The following B3GALT1 variants were observed in gnomAD, a reference collection of about 807,000 sequenced individuals.
The protein encoded by B3GALT1 is UDP-Gal:betaGlcNAc beta 1,3-galactosyltransferase, polypeptide 1.
B3GALT1 carries 10 observed loss-of-function variants against 23.2 expected under a neutral mutation model. The observed-to-expected ratio is 0.43, with a 90% CI of 0.27 to 0.73. The LOEUF (loss-of-function observed/expected upper bound fraction) is 0.73, where lower values mean the gene tolerates loss of function less well. Ranked by LOEUF, B3GALT1 falls within the 30% of genes least tolerant of loss-of-function variation. B3GALT1 has a pLI of 0.21. For synonymous variants in B3GALT1, 156 were observed against 141.5 expected, an observed-to-expected ratio of 1.10 and a Z score of -0.73; for missense variants, 299 against 405.4, an observed-to-expected ratio of 0.74 and a Z score of 2.25.
intron 1 of B3GALT1, among the ~76,000 whole-genome samples, chr2:167,383,025 ATG>A (rs781480239): frequency 3.9e-5 from 6 of 152,200 alleles, no homozygotes; most frequent in Non-Finnish European, 7.3e-5. Context: ...CTTAATAAAA[ATG>A]TACTGTACTT....
chr2:167,647,482 T>A (rs16853993), intron 3 of B3GALT1, among the ~76,000 whole-genome samples: 1 of 152,188 alleles, frequency 6.6e-6, no homozygotes, highest in Non-Finnish European at 1.5e-5. Context: ...AATCCTTCCA[T>A]GAAATAATGA....
intron 1 of B3GALT1, among the ~76,000 whole-genome samples, chr2:167,462,001 C>T (rs78439295): frequency 0.01 from 1,537 of 152,168 alleles, 28 homozygotes; most frequent in African/African-American, 0.035. Context: ...AGTAAATAAC[C>T]TCCCTCACAC....
At chr2:167,568,666 C>T (rs1416086152) in intron 2 of B3GALT1, among the ~76,000 whole-genome samples, 1 of 151,972 alleles carries the variant, frequency 6.6e-6, no homozygotes, top group Non-Finnish European at 1.5e-5. Context: ...TATTTTCTCC[C>T]AGTCTGTGAC....
intron 3 of B3GALT1, among the ~76,000 whole-genome samples, chr2:167,706,129 G>A (rs1686963728): frequency 1.3e-5 from 2 of 152,168 alleles, no homozygotes; most frequent in Non-Finnish European, 2.9e-5. Flanking sequence ...TAACTGATAT[G>A]AAAGAGCACA....
chr2:167,374,645 T>C (rs964854571), intron 1 of B3GALT1, among the ~76,000 whole-genome samples: 7 of 152,314 alleles, frequency 4.6e-5, no homozygotes, highest in Non-Finnish European at 1.0e-4. Context: ...GTTGGCTGCT[T>C]GTGTGTCTTC....
rs572580797 is a variant in B3GALT1 at position 167,657,400 on chromosome 2, G to A, written c.-352+10434G>A. ...CCATTCAAGGGGTGTGCTGGGGAAG[G>A]GAAGCCTGCGGGACAGCCTGAAAGG... is the stretch of plus-strand genomic sequence containing the variant. On this transcript the variant is annotated intron_variant, in intron 3 of 4. Coordinates refer to ENST00000392690, the MANE Select transcript of B3GALT1 (RefSeq NM_020981.4). Among the ~76,000 whole-genome samples the A allele has an allele frequency of 8.5e-5, 13 of 152,198 alleles. No homozygotes were observed. In the South Asian group the frequency reaches 1.4e-3, roughly 17 times the overall value.
At chr2:167,811,248 C>A (rs1377864839) in intron 3 of B3GALT1, among the ~76,000 whole-genome samples, 1 of 152,178 alleles carries the variant, frequency 6.6e-6, no homozygotes, top group African/African-American at 2.4e-5. Context: ...CTTTACCTAT[C>A]TTTGTTTTCC....
chr2:167,726,073 C>T (rs1049678819), intron 3 of B3GALT1, among the ~76,000 whole-genome samples: 3 of 152,108 alleles, frequency 2.0e-5, no homozygotes, highest in African/African-American at 7.2e-5. Flanking sequence ...AAAATCAGTT[C>T]GATAAGTCTG....
At chr2:167,393,333 A>G (rs1698048774) in intron 1 of B3GALT1, among the ~76,000 whole-genome samples, 1 of 151,310 alleles carries the variant, frequency 6.6e-6, no homozygotes, top group African/African-American at 2.4e-5. Flanking sequence ...TATCTTAAGC[A>G]CCAAGGTTCA....
intron 2 of B3GALT1, among the ~76,000 whole-genome samples, chr2:167,518,185 T>G (rs1700132310): frequency 6.6e-6 from 1 of 152,164 alleles, no homozygotes; most frequent in African/African-American, 2.4e-5. Flanking sequence ...CACATAAGAC[T>G]AATTGCCCTA....
chr2:167,448,858 G>A (rs1445220167), intron 1 of B3GALT1, among the ~76,000 whole-genome samples: 1 of 152,046 alleles, frequency 6.6e-6, no homozygotes, highest in Non-Finnish European at 1.5e-5. Context: ...AATAGGGTGT[G>A]CTTTCTCCAC....
rs983747742 is a variant in B3GALT1, at chr2:167,818,691, G to A, written c.-332G>A. ...ACTTAGGGCTACGCAGCTTGCTCCT[G>A]GCACGGGCACCTTGAATCTCCTCCT... On this transcript the variant is annotated 5_prime_UTR_variant, in exon 4 of 5. It introduces an in-frame stop codon into an upstream open reading frame of the 5' UTR. Transcript: ENST00000392690. Among the ~76,000 whole-genome samples, 12 of 151,816 alleles carry A rather than the reference G, an allele frequency of 7.9e-5. No homozygotes were observed. Among genetic ancestry groups the A allele is most frequent in the Non-Finnish European group, 1.5e-4 (10 of 68,008 alleles).
chr2:167,398,819 A>G (rs1340752187), intron 1 of B3GALT1, among the ~76,000 whole-genome samples: 2 of 152,108 alleles, frequency 1.3e-5, no homozygotes, highest in Non-Finnish European at 2.9e-5. Flanking sequence ...CTACAAAGCA[A>G]GGGAAACTTA....
At chr2:167,295,025 A>G (rs1286973518) in intron 1 of B3GALT1, among the ~76,000 whole-genome samples, 1 of 152,200 alleles carries the variant, frequency 6.6e-6, no homozygotes, top group Non-Finnish European at 1.5e-5. Context: ...ATTTTTCGAT[A>G]GTTATTTTTC....
rs36114231 is a variant in B3GALT1 at position 167,481,218 on chromosome 2, T to TAAA, written c.-510-8953_-510-8951dup. Among the ~76,000 whole-genome samples, 5 of 150,998 alleles carry TAAA rather than the reference T, an allele frequency of 3.3e-5. No individual in the cohort carries two copies. In the East Asian group the frequency reaches 1.0e-3, roughly 30 times the overall value. Reference sequence around the variant, plus strand: ...AGTCCTTTTTGCTGCTTATATATGGTAAAAAAAACATAACTAAAATAAATT... The same window carrying TAAA: ...AGTCCTTTTTGCTGCTTATATATGGTAAAAAAAAAAACATAACTAAAATAAATT... On this transcript the variant is annotated intron_variant, in intron 1 of 4. Transcript: ENST00000392690.
intron 1 of B3GALT1, among the ~76,000 whole-genome samples, chr2:167,390,824 A>G (rs181663257): frequency 9.2e-4 from 139 of 151,896 alleles, no homozygotes; most frequent in African/African-American, 2.7e-3. Flanking sequence ...GAGTCAATCA[A>G]ATTACTCATC....
intron 1 of B3GALT1, among the ~76,000 whole-genome samples, chr2:167,320,841 A>T (rs1487594877): frequency 6.6e-6 from 1 of 152,020 alleles, no homozygotes; most frequent in East Asian, 1.9e-4. Context: ...AAAATAGTTT[A>T]CCTAATGTCT....
chr2:167,804,121 C>T (rs2105343650), intron 3 of B3GALT1, among the ~76,000 whole-genome samples: 1 of 152,192 alleles, frequency 6.6e-6, no homozygotes, highest in East Asian at 1.9e-4. Flanking sequence ...TCCCAAGTAG[C>T]TGGGATTACA....
At chr2:167,308,597 C>T (rs967609839) in intron 1 of B3GALT1, among the ~76,000 whole-genome samples, 2 of 151,888 alleles carry the variant, frequency 1.3e-5, no homozygotes, top group Non-Finnish European at 2.9e-5. Context: ...AGAGATTTGG[C>T]TACTACTATC....
Sources: allele counts gnomAD v4.1 joint callset (sites outside exome capture counted in the v4.1 genomes callset), GRCh38; gene constraint gnomAD v4.1.1; transcripts MANE v1.5; gene names NCBI Gene and HGNC (gene_info 2026-07-23, HGNC 2026-07-21).